SLC4A4: variants seen among roughly 807,000 people sequenced by gnomAD.
The protein encoded by SLC4A4 is solute carrier family 4 member 4.
SLC4A4 carries 27 observed loss-of-function variants against 111.5 expected under a neutral mutation model. The observed-to-expected ratio is 0.24, with a 90% CI of 0.18 to 0.33. SLC4A4 has a LOEUF of 0.33. SLC4A4 is among the 10% of genes least tolerant of loss of function. SLC4A4 has a pLI of 1.00. For synonymous variants in SLC4A4, 443 were observed against 463.4 expected (o/e 0.96, Z 0.57); for missense variants, 909 against 1,315.5 (o/e 0.69, Z 4.78).
intron 2 of SLC4A4, among the ~76,000 whole-genome samples, chr4:71,129,744 A>G (rs1484138905): frequency 1.3e-5 from 2 of 150,886 alleles, no homozygotes; most frequent in African/African-American, 4.9e-5. Flanking sequence ...AGACTGAATA[A>G]AGAAAATGTG....
intron 1 of SLC4A4, among the ~76,000 whole-genome samples, chr4:71,090,948 G>A (rs116704370): frequency 0.012 from 1,813 of 152,120 alleles, 33 homozygotes; most frequent in African/African-American, 0.042. Flanking sequence ...TTGTTTGTTT[G>A]TTTTTCTTTT....
intron 3 of SLC4A4, among the ~76,000 whole-genome samples, chr4:71,333,707 T>C (rs2148882213): frequency 6.6e-6 from 1 of 152,268 alleles, no homozygotes; most frequent in East Asian, 1.9e-4. Flanking sequence ...GGTACTCTAT[T>C]CTGCTGCTGC....
chr4:71,372,842 CTTTG>C (rs1732011019), intron 6 of SLC4A4, among the ~76,000 whole-genome samples: 1 of 149,928 alleles, frequency 6.7e-6, no homozygotes, highest in Admixed American at 6.6e-5. Context: ...ATACTGTTTT[CTTTG>C]TTTTTTTTTT....
At chr4:71,475,931 A>G (rs963894121) in intron 14 of SLC4A4, among the ~76,000 whole-genome samples, 34 of 151,918 alleles carry the variant, frequency 2.2e-4, no homozygotes, top group African/African-American at 7.7e-4. Flanking sequence ...AAACAGACCT[A>G]TCTTCATCAT....
intron 2 of SLC4A4, among the ~76,000 whole-genome samples, chr4:71,113,379 GAT>G (rs747710036): frequency 6.6e-6 from 1 of 152,188 alleles, no homozygotes; most frequent in Non-Finnish European, 1.5e-5. Context: ...TAGCAGAGTG[GAT>G]TCCCCAGCCC....
intron 3 of SLC4A4, among the ~76,000 whole-genome samples, chr4:71,321,151 C>G (rs576673094): frequency 1.4e-4 from 22 of 151,960 alleles, no homozygotes; most frequent in Admixed American, 1.4e-3. Flanking sequence ...GCCCACATAC[C>G]CACTCTAATC....
intron 1 of SLC4A4, among the ~76,000 whole-genome samples, chr4:71,191,378 G>T (rs1275178413): frequency 6.6e-6 from 1 of 152,170 alleles, no homozygotes; most frequent in Non-Finnish European, 1.5e-5. Context: ...ATAAGGGATT[G>T]TTATGCTTAT....
chr4:71,364,261 C>A (rs1317163975), intron 6 of SLC4A4, among the ~76,000 whole-genome samples: 2 of 152,132 alleles, frequency 1.3e-5, no homozygotes, highest in Non-Finnish European at 2.9e-5. Flanking sequence ...TGGTTATGAG[C>A]AATTTACATA....
At chr4:71,337,724 G>T (rs1383778906) in intron 3 of SLC4A4, among the ~76,000 whole-genome samples, 1 of 151,866 alleles carries the variant, frequency 6.6e-6, no homozygotes, top group African/African-American at 2.4e-5. Flanking sequence ...TTCCATTTAG[G>T]CTCCTACCAG....
chr4:71,420,978 C>T (rs1722409913), intron 7 of SLC4A4, among the ~76,000 whole-genome samples: 1 of 147,898 alleles, frequency 6.8e-6, no homozygotes, highest in African/African-American at 2.5e-5. Context: ...CCAATTCACA[C>T]ATAACAATAT....
At chr4:71,538,102 T>TAC (rs1734721429) in intron 18 of SLC4A4, among the ~76,000 whole-genome samples, 1 of 151,658 alleles carries the variant, frequency 6.6e-6, no homozygotes, top group Non-Finnish European at 1.5e-5. Context: ...TGTTGACTAA[T>TAC]ATTTTTATTC....
intron 8 of SLC4A4, among the ~76,000 whole-genome samples, chr4:71,446,323 G>A (rs1171110174): frequency 1.3e-5 from 2 of 152,078 alleles, no homozygotes; most frequent in African/African-American, 4.8e-5. Context: ...TGAGCAAAAT[G>A]GCAAGCTGTT....
chr4:71,452,333 C>CT (rs1369230475), intron 11 of SLC4A4, among the ~76,000 whole-genome samples: 1 of 151,914 alleles, frequency 6.6e-6, no homozygotes, highest in South Asian at 2.1e-4. Flanking sequence ...ATATCCTTTT[C>CT]TTTTTTTACA....
At chr4:71,380,094 C>A (rs923816925) in intron 6 of SLC4A4, among the ~76,000 whole-genome samples, 1 of 152,072 alleles carries the variant, frequency 6.6e-6, no homozygotes, top group Non-Finnish European at 1.5e-5. Context: ...TTCATATCGC[C>A]CAAAAAACTG....
At position 71,345,949 on chromosome 4, in the gene SLC4A4, G is replaced by C. The variant is rs567908243; in HGVS notation, c.390-3963G>C. 4.6e-5 allele frequency among the ~76,000 whole-genome samples: 7 copies of C among 152,146 alleles called. No homozygotes were observed. The South Asian group carries it at 1.5e-3, about 32-fold the overall frequency. On this transcript the variant is annotated intron_variant, in intron 4 of 25. Transcript: ENST00000264485. ...TACACACTAACGTTGGCTTCTTTTA[G>C]GGTGATAAGGCACTTGTTAGTTAGC...
rs575809110 is a variant in SLC4A4, at chr4:71,100,462, C to A, written c.-2+7670C>A. On this transcript the variant is annotated intron_variant, in intron 2 of 26. Coordinates refer to the SLC4A4 transcript ENST00000649996. ...GGAAACTACCTAAAAATAATAAGAG[C>A]CATATATGACAAACCACAGTCAACA... Among the ~76,000 whole-genome samples, 3 of 152,164 alleles carry A rather than the reference C, an allele frequency of 2.0e-5. No individual in the cohort carries two copies. The East Asian group carries it at 5.8e-4, about 29-fold the overall frequency.
chr4:71,409,582 A>T (rs1348406159), intron 7 of SLC4A4, among the ~76,000 whole-genome samples: 2 of 152,250 alleles, frequency 1.3e-5, no homozygotes, highest in Non-Finnish European at 2.9e-5. Flanking sequence ...TGCTGTTAAA[A>T]GCATTCTGTT....
intron 8 of SLC4A4, among the ~76,000 whole-genome samples, chr4:71,446,130 T>G (rs919231057): frequency 2.0e-5 from 3 of 152,176 alleles, no homozygotes; most frequent in African/African-American, 4.8e-5. Flanking sequence ...AGACACCTTT[T>G]TACATTCTTC....
chr4:71,310,312 C>G (rs1259744998), intron 3 of SLC4A4, among the ~76,000 whole-genome samples: 1 of 152,020 alleles, frequency 6.6e-6, no homozygotes, highest in Non-Finnish European at 1.5e-5. Context: ...GACCAACATT[C>G]AAATTCAGGA....
Sources: allele counts gnomAD v4.1 joint callset (sites outside exome capture counted in the v4.1 genomes callset), GRCh38; gene constraint gnomAD v4.1.1; transcripts MANE v1.5; gene names NCBI Gene and HGNC (gene_info 2026-07-23, HGNC 2026-07-21).